The following ALOX5 variants were observed in gnomAD, a reference collection of about 807,000 sequenced individuals.
ALOX5 encodes polyunsaturated fatty acid 5-lipoxygenase.
In ALOX5, 64 loss-of-function variants were observed where a neutral mutation model predicts 87.9. That is an observed-to-expected ratio of 0.73 (90% CI 0.60 to 0.90). The LOEUF (loss-of-function observed/expected upper bound fraction) is 0.90. ALOX5 is among the 40% of genes least tolerant of loss of function. ALOX5 has a pLI of 0.00. For synonymous variants in ALOX5, 388 were observed against 355.1 expected, an observed-to-expected ratio of 1.09 and a Z score of -1.04; for missense variants, 822 against 907.5, an observed-to-expected ratio of 0.91 and a Z score of 1.21.
intron 7 of ALOX5, among the ~76,000 whole-genome samples, chr10:45,439,838 G>A (rs1183730976): frequency 6.6e-6 from 1 of 152,224 alleles, no homozygotes; most frequent in East Asian, 1.9e-4. Context: ...TACAGGAGGT[G>A]CCTGGCCACA....
chr10:45,392,613 T>C (rs1840327423), intron 2 of ALOX5, among the ~76,000 whole-genome samples: 1 of 151,948 alleles, frequency 6.6e-6, no homozygotes, highest in African/African-American at 2.4e-5. Flanking sequence ...CAGAGACCTT[T>C]GTTGACTTGT....
rs1243988746 is a variant in ALOX5 at position 45,428,767 on chromosome 10, A to G, written c.981+3A>G. ...AGATTGTCCCCATTGCCATCCAGGTAGGCTGCTGGGGGGCACACCTTTCTG... is the reference window on the plus strand; with the variant it reads ...AGATTGTCCCCATTGCCATCCAGGTGGGCTGCTGGGGGGCACACCTTTCTG... On this transcript the variant is annotated splice_donor_region_variant and intron_variant, in intron 7 of 13. Coordinates refer to ENST00000374391, the MANE Select transcript of ALOX5 (RefSeq NM_000698.5). The G allele has an allele frequency of 6.2e-7, 1 of 1,613,600 alleles. No homozygotes were observed. Among genetic ancestry groups the G allele is most frequent in the Non-Finnish European group, 8.5e-7 (1 of 1,179,992 alleles).
In ALOX5 at chr10:45,424,213, T is replaced by C. The variant is rs539156401; in HGVS notation, c.661+66T>C. 1.1e-5 allele frequency: 15 copies of C among 1,396,418 alleles called. No homozygotes were observed. The Admixed American group carries it at 2.0e-4, about 19-fold the overall frequency. The allele number at this position is 1,396,418 out of a possible 1,614,324, so 86.5% of individuals were successfully genotyped here. A position where few individuals can be genotyped will look rare whatever the true frequency, so the allele number is the denominator to read the frequency against. Reference sequence around the variant, plus strand: ...GGGATGCTGCTCTCCTGTCTGATACTTGCCGGGAAATTGACAAGGGCCTTC... The same window carrying C: ...GGGATGCTGCTCTCCTGTCTGATACCTGCCGGGAAATTGACAAGGGCCTTC... On this transcript the variant is annotated intron_variant, in intron 5 of 13. Coordinates refer to ENST00000374391, the MANE Select transcript of ALOX5 (RefSeq NM_000698.5).
chr10:45,395,746 C>A, intron 2 of ALOX5, 109 bp from the exon 3 acceptor site: 1 of 885,482 alleles, frequency 1.1e-6, no homozygotes, highest in South Asian at 1.5e-5. Context: ...AGGTCATGCA[C>A]ATAAAGCACT....
At chr10:45,395,961 G>T (rs980543477) in intron 3 of ALOX5, 25 bp downstream of exon 3, 7 of 1,603,330 alleles carry the variant, frequency 4.4e-6, no homozygotes, top group Non-Finnish European at 6.0e-6. Context: ...CAGATCGAGT[G>T]GCCACGGGGC....
chr10:45,377,295 A>T (rs1244973103), intron 1 of ALOX5, among the ~76,000 whole-genome samples: 1 of 151,866 alleles, frequency 6.6e-6, no homozygotes, highest in Non-Finnish European at 1.5e-5. Context: ...TCCGTCTCTC[A>T]TCTCCCAGTC....
intron 8 of ALOX5, among the ~76,000 whole-genome samples, chr10:45,441,138 C>A (rs1842221644): frequency 1.3e-5 from 2 of 152,232 alleles, no homozygotes; most frequent in Non-Finnish European, 2.9e-5. Flanking sequence ...CCAGGACCCT[C>A]TGAATCATTA....
At chr10:45,395,670 C>G (rs1250411419) in intron 2 of ALOX5, among the ~76,000 whole-genome samples, 185 bp from the exon 3 acceptor site, 1 of 151,830 alleles carries the variant, frequency 6.6e-6, no homozygotes, top group Non-Finnish European at 1.5e-5. Flanking sequence ...AAGAGCAAAG[C>G]TACACAACTT....
intron 1 of ALOX5, 50 bp downstream of exon 1, chr10:45,374,479 AC>A (rs1466840041): frequency 9.0e-6 from 13 of 1,449,010 alleles, no homozygotes; most frequent in Non-Finnish European, 1.2e-5. Context: ...TGCGTCCGGG[AC>A]CCGGTTTGGA....
In ALOX5 at chr10:45,382,647, C is replaced by T. The variant is rs140946470; in HGVS notation, c.315C>T (p.Thr105=). The T allele has an allele frequency of 1.5e-4, 242 of 1,613,702 alleles. No individual in the cohort carries two copies. The highest frequency in any genetic ancestry group is 1.9e-4 in the Non-Finnish European group (229 of 1,179,828). Residue 105 remains threonine, a synonymous_variant, in exon 2 of 14, where the codon ACC becomes ACT. Transcript: ENST00000374391. ...YIEFPCYRWI[T]GDVEVVLRDG... ...AGTTCCCCTGCTACCGCTGGATCAC[C>T]GGCGATGTCGAGGTTGTCCTGAGGG...
intron 9 of ALOX5, chr10:45,442,650 AG>A (rs1842273976): frequency 6.8e-6 from 1 of 147,742 alleles, no homozygotes; most frequent in African/African-American, 3.5e-5. Context: ...CTGGAAACTG[AG>A]GGTCACTGAG....
At chr10:45,408,368 C>T (rs1319929471) in intron 3 of ALOX5, among the ~76,000 whole-genome samples, 1 of 152,052 alleles carries the variant, frequency 6.6e-6, no homozygotes, top group African/African-American at 2.4e-5. Flanking sequence ...AAAGGTGGGA[C>T]AACTTGGGGG....
chr10:45,428,302 C>A, intron 6 of ALOX5: 1 of 438,530 alleles, frequency 2.3e-6, no homozygotes. Context: ...TCTATTTCAC[C>A]TAACCTCTTT....
chr10:45,437,611 C>G (rs1842097177), intron 7 of ALOX5, among the ~76,000 whole-genome samples: 1 of 152,234 alleles, frequency 6.6e-6, no homozygotes, highest in Non-Finnish European at 1.5e-5. Context: ...GACGTGCTCA[C>G]AGGCATGTCC....
intron 1 of ALOX5, among the ~76,000 whole-genome samples, chr10:45,376,897 C>T (rs1403954291): frequency 2.6e-5 from 4 of 152,184 alleles, no homozygotes; most frequent in African/African-American, 7.2e-5. Context: ...CTGGAGAAAG[C>T]CGGGATCCTA....
intron 2 of ALOX5, among the ~76,000 whole-genome samples, chr10:45,384,126 G>T (rs1839934666): frequency 6.6e-6 from 1 of 152,200 alleles, no homozygotes; most frequent in Non-Finnish European, 1.5e-5. Flanking sequence ...TGCAGGGGGA[G>T]GGGGAAGGTT....
intron 3 of ALOX5, among the ~76,000 whole-genome samples, chr10:45,411,370 C>T (rs1007975579): frequency 2.0e-5 from 3 of 152,180 alleles, no homozygotes; most frequent in Admixed American, 1.3e-4. Context: ...TAGGTCTCAG[C>T]CTTATTTTAC....
chr10:45,376,828 C>A (rs1446923749), intron 1 of ALOX5, among the ~76,000 whole-genome samples: 2 of 152,144 alleles, frequency 1.3e-5, no homozygotes, highest in Non-Finnish European at 2.9e-5. Flanking sequence ...GGAATCAAGT[C>A]CTTCGCAGGT....
chr10:45,428,124 C>G (rs1841791760), intron 6 of ALOX5, among the ~76,000 whole-genome samples: 1 of 150,252 alleles, frequency 6.7e-6, no homozygotes. Flanking sequence ...ATCCCCTCCC[C>G]CTTCCCCCGC....
Sources: gnomAD v4.1 joint callset for allele counts (sites outside exome capture counted in the v4.1 genomes callset) on GRCh38, gnomAD v4.1.1 for gene constraint, MANE v1.5 for transcripts, NCBI Gene and HGNC (gene_info 2026-07-23, HGNC 2026-07-21) for gene names.